TRANK1: variants seen among roughly 807,000 people sequenced by gnomAD.
TRANK1 encodes TPR and ankyrin repeat-containing protein 1.
A neutral mutation model predicts 266.0 loss-of-function variants in TRANK1; 198 were observed. The observed-to-expected ratio is 0.74, with a 90% CI of 0.66 to 0.84. TRANK1 has a LOEUF of 0.84. TRANK1 is among the 40% of genes least tolerant of loss of function. The probability of loss-of-function intolerance (pLI) is 0.00; values close to 1 mark genes in which losing one functional copy is unlikely to be tolerated. For missense variants in TRANK1, 3,326 were observed against 3,634.6 expected, an observed-to-expected ratio of 0.92 and a Z score of 2.18; for synonymous variants, 1,396 against 1,384.1, an observed-to-expected ratio of 1.01 and a Z score of -0.19.
intron 2 of TRANK1, among the ~76,000 whole-genome samples, chr3:36,903,767 A>T (rs2079919418): frequency 6.6e-6 from 1 of 152,220 alleles, no homozygotes; most frequent in Non-Finnish European, 1.5e-5. Context: ...TGGCCAAAGG[A>T]GGGCCCTTTA....
intron 1 of TRANK1, among the ~76,000 whole-genome samples, chr3:36,942,208 A>G (rs2080505723): frequency 1.3e-5 from 2 of 152,218 alleles, no homozygotes; most frequent in Non-Finnish European, 2.9e-5. Flanking sequence ...TAGAAGTTTA[A>G]TATTTCCACA....
chr3:36,843,296 C>T (rs1303274236), intron 17 of TRANK1, among the ~76,000 whole-genome samples: 1 of 152,054 alleles, frequency 6.6e-6, no homozygotes, highest in Non-Finnish European at 1.5e-5. Flanking sequence ...AAGTTTTGGT[C>T]TACTTTCCTA....
intron 1 of TRANK1, among the ~76,000 whole-genome samples, chr3:36,920,352 T>C (rs1021455512): frequency 6.6e-6 from 1 of 152,184 alleles, no homozygotes; most frequent in African/African-American, 2.4e-5. Flanking sequence ...GTCCCAGATT[T>C]GTTTCTGTTA....
At chr3:36,871,231 T>C (rs956208966) in intron 9 of TRANK1, among the ~76,000 whole-genome samples, 1 of 151,846 alleles carries the variant, frequency 6.6e-6, no homozygotes, top group Non-Finnish European at 1.5e-5. Flanking sequence ...CTACTAATAA[T>C]ACAAAAATTA....
intron 1 of TRANK1, 104 bp from the exon 2 acceptor site, chr3:36,908,558 C>A: frequency 8.1e-7 from 1 of 1,231,178 alleles, no homozygotes; most frequent in Non-Finnish European, 1.0e-6. Context: ...CTCACTATGG[C>A]CCCACCCACC....
Position 36,858,814 on chromosome 3 carries a change from G to T in TRANK1, c.1576C>A (p.Leu526Ile). ...LKHEDFELAF[L>I]LLTKGADPRA... The stretch of plus-strand genomic sequence containing the variant: ...GGGTCTGCGCCCTTGGTCAAGAGAA[G>T]GAAAGCCAACTCGAAGTCCTCATGT... Residue 526 changes from leucine to isoleucine, a missense_variant, in exon 12 of 24, where the codon CTT becomes ATT. Leu to Ile is a conservative substitution (Grantham distance 5, BLOSUM62 2). Transcript: ENST00000645898. 6.5e-7 allele frequency: 1 copy of T among 1,537,232 alleles called. No homozygotes were observed. The highest frequency in any genetic ancestry group is 2.4e-5 in the East Asian group (1 of 40,916).
At chr3:36,896,506 T>C (rs1207250950) in intron 4 of TRANK1, among the ~76,000 whole-genome samples, 1 of 152,232 alleles carries the variant, frequency 6.6e-6, no homozygotes, top group African/African-American at 2.4e-5. Flanking sequence ...GCGACGCCAA[T>C]TTCTTTACCT....
intron 1 of TRANK1, among the ~76,000 whole-genome samples, chr3:36,916,660 C>T (rs1399305650): frequency 1.3e-5 from 2 of 152,174 alleles, no homozygotes; most frequent in African/African-American, 4.8e-5. Flanking sequence ...GCAGGAAGAG[C>T]AGCCAATAAG....
At position 36,861,130 on chromosome 3, in the gene TRANK1, T is replaced by A. The variant is rs2079136912; in HGVS notation, c.1271A>T (p.Asn424Ile). The change falls in exon 11 of 24, where the codon AAT becomes ATT. Residue 424 changes from asparagine to isoleucine, a missense_variant. By Grantham distance (149) the Asn-to-Ile change is moderately radical. Coordinates refer to ENST00000645898, the MANE Select transcript of TRANK1 (RefSeq NM_001329998.2). ...GAAGACGGTGGTGGCACAGTCTTGA[T>A]TAATATCACAGACCAGGTCAGGAGG... is the stretch of plus-strand genomic sequence containing the variant. ...EIPPDLVCDINQDCATTVFKF... is the reference protein window; with the variant it reads ...EIPPDLVCDIIQDCATTVFKF... 1 of 1,537,224 alleles carries A rather than the reference T, an allele frequency of 6.5e-7. No homozygotes were observed. Among genetic ancestry groups the A allele is most frequent in the Non-Finnish European group, 8.7e-7 (1 of 1,146,940 alleles).
intron 23 of TRANK1, 93 bp downstream of exon 23, chr3:36,829,471 G>A (rs1439791730): frequency 8.2e-6 from 10 of 1,214,010 alleles, no homozygotes; most frequent in Non-Finnish European, 1.2e-5. Context: ...GACATCACTG[G>A]GCTGCCCCAC....
At chr3:36,916,671 A>C (rs1421655523) in intron 1 of TRANK1, among the ~76,000 whole-genome samples, 1 of 152,250 alleles carries the variant, frequency 6.6e-6, no homozygotes, top group Non-Finnish European at 1.5e-5. Flanking sequence ...AGCCAATAAG[A>C]GTTCCTGATG....
At chr3:36,879,907 C>CATACAAATAT (rs1559449316) in intron 8 of TRANK1, among the ~76,000 whole-genome samples, 12 of 19,360 alleles carry the variant, frequency 6.2e-4, no homozygotes, top group Non-Finnish European at 9.7e-4. Flanking sequence ...TATATGTAAA[C>CATACAAATAT]ATGCAAATAT....
chr3:36,884,214 G>A (rs572326055), intron 8 of TRANK1, among the ~76,000 whole-genome samples: 6 of 152,252 alleles, frequency 3.9e-5, no homozygotes, highest in East Asian at 1.9e-4. Context: ...TAGTATCATC[G>A]GTTAGTGCAC....
At chr3:36,890,012 C>T (rs766864173) in intron 7 of TRANK1, 52 bp from the exon 8 acceptor site, 7 of 1,525,484 alleles carry the variant, frequency 4.6e-6, no homozygotes, top group Admixed American at 2.0e-5. Context: ...AGAAAGTCAG[C>T]AAAGTTAATT....
chr3:36,924,009 G>C (rs181939347), intron 1 of TRANK1, among the ~76,000 whole-genome samples: 30 of 152,296 alleles, frequency 2.0e-4, no homozygotes, highest in African/African-American at 7.0e-4. Context: ...CACGTTTGGG[G>C]TAACTCAGGT....
At chr3:36,835,444 T>C (rs924856537) in intron 20 of TRANK1, among the ~76,000 whole-genome samples, 1 of 151,190 alleles carries the variant, frequency 6.6e-6, no homozygotes, top group Non-Finnish European at 1.5e-5. Flanking sequence ...AAGCCCCAGG[T>C]AGATTAAAGA....
At chr3:36,918,556 AAGGAAGGT>A (rs1262459237) in intron 1 of TRANK1, among the ~76,000 whole-genome samples, 1,194 of 41,796 alleles carry the variant, frequency 0.029, 64 homozygotes, top group East Asian at 0.074. Context: ...GGAAGGAAGG[AAGGAAGGT>A]AGGAAGGAAG....
chr3:36,912,141 G>A (rs895053835), intron 1 of TRANK1, among the ~76,000 whole-genome samples: 1 of 151,338 alleles, frequency 6.6e-6, no homozygotes, highest in Non-Finnish European at 1.5e-5. Flanking sequence ...AGTGAGCTGA[G>A]ATCAAGCCAC....
chr3:36,863,185 AAC>A (rs1445031885), intron 10 of TRANK1, among the ~76,000 whole-genome samples: 1 of 152,196 alleles, frequency 6.6e-6, no homozygotes, highest in East Asian at 1.9e-4. Flanking sequence ...AACCCACACC[AAC>A]ACTCACAATA....
Sources: gnomAD v4.1 joint callset for allele counts (sites outside exome capture counted in the v4.1 genomes callset) on GRCh38, gnomAD v4.1.1 for gene constraint, MANE v1.5 for transcripts, NCBI Gene and HGNC (gene_info 2026-07-23, HGNC 2026-07-21) for gene names.